The following SLC8A1 variants were observed in gnomAD, a reference collection of about 807,000 sequenced individuals.
SLC8A1 encodes solute carrier family 8 member A1, also known as sodium/calcium exchanger 1.
A neutral mutation model predicts 68.3 loss-of-function variants in SLC8A1; 18 were observed. The ratio of observed to expected loss-of-function variants is 0.26; its 90% CI spans 0.18 to 0.39. The LOEUF (loss-of-function observed/expected upper bound fraction) is 0.39, where lower values mean the gene tolerates loss of function less well. SLC8A1 is among the 10% of genes least tolerant of loss of function. The pLI is 1.00. For synonymous variants in SLC8A1, 475 were observed against 415.5 expected (o/e 1.14, Z -1.74); for missense variants, 985 against 1,156.7 (o/e 0.85, Z 2.15).
At position 40,322,179 on chromosome 2, in the gene SLC8A1, T is replaced by A. The variant is rs181174776; in HGVS notation, c.1808+106294A>T. On this transcript the variant is annotated intron_variant, in intron 2 of 7. Transcript: ENST00000406785. ...AATTTTAGGAAGGCTGCTGTGTGGTTTTGCATAGTAAGAAACGAGTTTTCC... is the reference window on the plus strand; with the variant it reads ...AATTTTAGGAAGGCTGCTGTGTGGTATTGCATAGTAAGAAACGAGTTTTCC... Among the ~76,000 whole-genome samples the A allele has an allele frequency of 9.2e-5, 14 of 152,266 alleles. No homozygotes were observed. The East Asian group carries it at 2.7e-3, about 29-fold the overall frequency.
At chr2:40,396,458 C>G (rs569682451) in intron 2 of SLC8A1, among the ~76,000 whole-genome samples, 160 of 151,952 alleles carry the variant, frequency 1.1e-3, no homozygotes, top group Non-Finnish European at 1.8e-3. Context: ...ATTCTAGTAG[C>G]ACAGTGCAAA....
In SLC8A1 at chr2:40,486,343, C is replaced by T. The variant is rs560732853; in HGVS notation, c.-25+26006G>A. Among the ~76,000 whole-genome samples, 162 of 152,254 alleles carry T rather than the reference C, an allele frequency of 1.1e-3. 5 individuals carry two copies. Among genetic ancestry groups the T allele is most frequent in the Admixed American group, 9.5e-3 (145 of 15,278 alleles). ...CTTCTGAAAAAATACACTTATGATA[C>T]AAAAGAAATAATATGCTGTGAAAGA... is the stretch of plus-strand genomic sequence containing the variant. On this transcript the variant is annotated intron_variant, in intron 1 of 7. Coordinates refer to the SLC8A1 transcript ENST00000402441.
intron 1 of SLC8A1, among the ~76,000 whole-genome samples, chr2:40,462,402 C>T (rs1380244760): frequency 6.6e-6 from 1 of 151,720 alleles, no homozygotes; most frequent in African/African-American, 2.4e-5. Flanking sequence ...AAATAAATAA[C>T]ATTCTATTTA....
intron 2 of SLC8A1, among the ~76,000 whole-genome samples, chr2:40,394,490 CAG>C (rs756380339): frequency 7.9e-5 from 12 of 151,654 alleles, no homozygotes; most frequent in Non-Finnish European, 1.8e-4. Flanking sequence ...ATTTCTGAAA[CAG>C]AGCGGTAGCA....
At chr2:40,240,206 C>T (rs2061027767) in intron 2 of SLC8A1, among the ~76,000 whole-genome samples, 1 of 152,174 alleles carries the variant, frequency 6.6e-6, no homozygotes, top group Admixed American at 6.5e-5. Context: ...TCCCTAGATA[C>T]AGAGAGTACT....
intron 1 of SLC8A1, among the ~76,000 whole-genome samples, chr2:40,450,200 AAC>A (rs1394918255): frequency 6.6e-6 from 1 of 152,166 alleles, no homozygotes; most frequent in Non-Finnish European, 1.5e-5. Context: ...CAATCCAAGT[AAC>A]ACAGGATTTG....
At chr2:40,126,537 A>G (rs1435787004) in intron 7 of SLC8A1, among the ~76,000 whole-genome samples, 1 of 152,186 alleles carries the variant, frequency 6.6e-6, no homozygotes, top group Non-Finnish European at 1.5e-5. Context: ...GTGAGAAGGA[A>G]AAATAATTCA....
exon 8 of SLC8A1, chr2:40,104,754 A>G (rs1257010511): frequency 6.6e-6 from 1 of 152,212 alleles, no homozygotes; most frequent in Non-Finnish European, 1.5e-5. Flanking sequence ...GTACATCTGA[A>G]GAAATATAAA....
At chr2:40,270,909 A>T (rs1260346674) in intron 2 of SLC8A1, among the ~76,000 whole-genome samples, 2 of 152,106 alleles carry the variant, frequency 1.3e-5, no homozygotes, top group Non-Finnish European at 2.9e-5. Context: ...CCCTTGAGGG[A>T]GTTCCGGCTG....
At chr2:40,415,752 T>G (rs1423316177) in intron 2 of SLC8A1, among the ~76,000 whole-genome samples, 1 of 151,680 alleles carries the variant, frequency 6.6e-6, no homozygotes, top group Non-Finnish European at 1.5e-5. Flanking sequence ...CCGAGGTGGG[T>G]GGGTCACCTG....
At chr2:40,348,574 T>C (rs968069147) in intron 2 of SLC8A1, among the ~76,000 whole-genome samples, 4 of 152,220 alleles carry the variant, frequency 2.6e-5, no homozygotes, top group African/African-American at 4.8e-5. Context: ...ATATGTTCCA[T>C]CCCTAGTGGT....
chr2:40,445,749 G>A (rs1701319728), intron 1 of SLC8A1, among the ~76,000 whole-genome samples: 1 of 152,166 alleles, frequency 6.6e-6, no homozygotes, highest in Non-Finnish European at 1.5e-5. Context: ...GGGAAAAGAA[G>A]CACTGACTGC....
intron 2 of SLC8A1, among the ~76,000 whole-genome samples, chr2:40,319,910 T>C (rs1201842097): frequency 6.6e-6 from 1 of 152,126 alleles, no homozygotes; most frequent in Non-Finnish European, 1.5e-5. Context: ...TATTAAAAAG[T>C]GGCACTAAAA....
At chr2:40,391,190 T>TTACACACGTATATATA (rs1685145971) in intron 2 of SLC8A1, among the ~76,000 whole-genome samples, 1 of 149,114 alleles carries the variant, frequency 6.7e-6, no homozygotes, top group Non-Finnish European at 1.5e-5. Context: ...TGTATATATA[T>TTACACACGTATATATA]TACACACACA....
At chr2:40,226,060 A>G (rs1011687411) in intron 2 of SLC8A1, among the ~76,000 whole-genome samples, 18 of 152,098 alleles carry the variant, frequency 1.2e-4, no homozygotes, top group African/African-American at 4.1e-4. Flanking sequence ...TTTGCTTGCA[A>G]TTAGTCTGGA....
intron 2 of SLC8A1, among the ~76,000 whole-genome samples, chr2:40,309,036 A>C (rs2073189065): frequency 6.6e-6 from 1 of 152,180 alleles, no homozygotes; most frequent in Non-Finnish European, 1.5e-5. Context: ...AGACATGGTG[A>C]AATAACTAGT....
chr2:40,322,651 G>T (rs1175452316), intron 2 of SLC8A1, among the ~76,000 whole-genome samples: 1 of 151,818 alleles, frequency 6.6e-6, no homozygotes, highest in Non-Finnish European at 1.5e-5. Flanking sequence ...ATTTCAGCCT[G>T]GGTGACAGAC....
chr2:40,463,592 C>T (rs1289168751), intron 1 of SLC8A1, among the ~76,000 whole-genome samples: 2 of 152,002 alleles, frequency 1.3e-5, no homozygotes, highest in African/African-American at 4.8e-5. Flanking sequence ...AGATTAAAAA[C>T]AAATTAACTC....
intron 2 of SLC8A1, among the ~76,000 whole-genome samples, chr2:40,238,541 G>A (rs112570763): frequency 4.6e-5 from 7 of 152,166 alleles, no homozygotes; most frequent in African/African-American, 1.7e-4. Flanking sequence ...TACCTCAGAT[G>A]GAAATGCAGA....
Sources: allele counts gnomAD v4.1 joint callset (sites outside exome capture counted in the v4.1 genomes callset), GRCh38; gene constraint gnomAD v4.1.1; transcripts MANE v1.5; gene names NCBI Gene and HGNC (gene_info 2026-07-23, HGNC 2026-07-21).